Variants in TMEM132B observed in about 807,000 individuals in gnomAD.
The protein encoded by TMEM132B is transmembrane protein 132B.
TMEM132B carries 18 observed loss-of-function variants against 90.8 expected under a neutral mutation model. The ratio of observed to expected loss-of-function variants is 0.20; its 90% CI spans 0.14 to 0.29. The LOEUF (loss-of-function observed/expected upper bound fraction) is 0.29, where lower values mean the gene tolerates loss of function less well. Among genes scored for constraint, TMEM132B ranks in the 10% least tolerant of loss-of-function variants. TMEM132B has a pLI of 1.00. For synonymous variants in TMEM132B, 504 were observed against 523.3 expected (o/e 0.96, Z 0.50); for missense variants, 1,096 against 1,326.8 (o/e 0.83, Z 2.70).
rs935267471 is a variant in TMEM132B, at chr12:125,490,574, C to T, written c.1107-28865C>T. On this transcript the variant is annotated intron_variant, in intron 3 of 8. Coordinates refer to ENST00000682704, the MANE Select transcript of TMEM132B (RefSeq NM_001366854.1). The surrounding 1 kb of genome is among the most constrained non-coding windows in gnomAD (Gnocchi z 4.2). Reference sequence around the variant, plus strand: ...TGCCTCCCGGGTTCACACCATTCTCCTGCCTTAGCCTCCCGAGTAGCTCGA... The same window carrying T: ...TGCCTCCCGGGTTCACACCATTCTCTTGCCTTAGCCTCCCGAGTAGCTCGA... 5.3e-5 allele frequency among the ~76,000 whole-genome samples: 8 copies of T among 152,158 alleles called. No individual in the cohort carries two copies. Among genetic ancestry groups the T allele is most frequent in the African/African-American group, 1.9e-4 (8 of 41,440 alleles).
chr12:125,542,210 A>G (rs1188296142), intron 4 of TMEM132B, among the ~76,000 whole-genome samples: 1 of 152,166 alleles, frequency 6.6e-6, no homozygotes, highest in Non-Finnish European at 1.5e-5. Context: ...GAGAGAAAAC[A>G]GCTTGCGTCC....
chr12:125,256,361 G>A (rs577433220), intron 1 of TMEM132B, among the ~76,000 whole-genome samples: 39 of 152,364 alleles, frequency 2.6e-4, no homozygotes, highest in Admixed American at 2.5e-3. Context: ...GGGGTGGTCA[G>A]GGGAGCCGGT....
chr12:125,543,993 A>G (rs147142287), intron 4 of TMEM132B, among the ~76,000 whole-genome samples: 1 of 152,386 alleles, frequency 6.6e-6, no homozygotes, highest in African/African-American at 2.4e-5. Context: ...CTGTGTACAT[A>G]TAACACCATG....
rs559279786 is a variant in TMEM132B, at chr12:125,557,565, C to T, written c.1294-26286C>T. ...ATCCATATTAAGTAAAATGCCAATT[C>T]AACTGTGCTTTTGTTTAGTAGGATG... is the stretch of plus-strand genomic sequence containing the variant. On this transcript the variant is annotated intron_variant, in intron 4 of 8. Transcript: ENST00000682704. 5.9e-5 allele frequency among the ~76,000 whole-genome samples: 9 copies of T among 152,236 alleles called. 1 individual carries two copies. The South Asian group carries it at 1.9e-3, about 32-fold the overall frequency.
At chr12:125,577,502 A>G (rs903278695) in intron 4 of TMEM132B, among the ~76,000 whole-genome samples, 1 of 149,904 alleles carries the variant, frequency 6.7e-6, no homozygotes, top group South Asian at 2.1e-4. Flanking sequence ...ATGAAATATA[A>G]TATCTAATAA....
intron 1 of TMEM132B, among the ~76,000 whole-genome samples, chr12:125,259,873 C>T (rs1180332099): frequency 6.6e-5 from 10 of 151,184 alleles, no homozygotes; most frequent in Non-Finnish European, 8.8e-5. Flanking sequence ...CTGCCGCCCT[C>T]GTGGCTTTGG....
At chr12:125,304,466 G>T (rs1470717510) in intron 1 of TMEM132B, among the ~76,000 whole-genome samples, 3 of 151,968 alleles carry the variant, frequency 2.0e-5, no homozygotes, top group Admixed American at 1.3e-4. Context: ...ATTTTGCAAT[G>T]ACTTCATAAA....
chr12:125,327,864 C>G (rs1449930474), intron 1 of TMEM132B, among the ~76,000 whole-genome samples: 1 of 152,170 alleles, frequency 6.6e-6, no homozygotes, highest in Non-Finnish European at 1.5e-5. Flanking sequence ...CAGGCGGGCT[C>G]TACATAGCTA....
At chr12:125,560,831 CAAAAAAAAA>C (rs58083131) in intron 4 of TMEM132B, among the ~76,000 whole-genome samples, 27 of 29,254 alleles carry the variant, frequency 9.2e-4, no homozygotes, top group African/African-American at 2.0e-3. Flanking sequence ...GACTCTGTCT[CAAAAAAAAA>C]AAAAAAAAAA....
intron 3 of TMEM132B, among the ~76,000 whole-genome samples, chr12:125,493,060 C>T (rs1373523273): frequency 1.3e-5 from 2 of 152,106 alleles, no homozygotes; most frequent in Non-Finnish European, 2.9e-5. Flanking sequence ...GACCTGGAAA[C>T]CTTTGATAAT....
Position 125,208,748 on chromosome 12 carries a change from C to T in TMEM132B, c.67+21882C>T, listed in dbSNP as rs548464678. On this transcript the variant is annotated intron_variant, in intron 1 of 8. Transcript: ENST00000682704. ...GGTCTGTTTCTTGCTGAGATGGCCGCGTGGTAGAAAGGAAGGCCCCTTCCA... is the reference window on the plus strand; with the variant it reads ...GGTCTGTTTCTTGCTGAGATGGCCGTGTGGTAGAAAGGAAGGCCCCTTCCA... Among the ~76,000 whole-genome samples the T allele has an allele frequency of 1.2e-4, 19 of 152,256 alleles. No homozygotes were observed. In the East Asian group the frequency reaches 2.1e-3, roughly 17 times the overall value.
intron 2 of TMEM132B, among the ~76,000 whole-genome samples, chr12:125,411,702 A>G (rs956597004): frequency 5.9e-5 from 9 of 152,006 alleles, no homozygotes; most frequent in African/African-American, 2.2e-4. Context: ...AGAGCTTAGC[A>G]GCAATTAGCT....
At chr12:125,499,175 T>A (rs1050384155) in intron 3 of TMEM132B, among the ~76,000 whole-genome samples, 2 of 152,202 alleles carry the variant, frequency 1.3e-5, no homozygotes, top group African/African-American at 4.8e-5. Context: ...AGACATTTGA[T>A]CTTGTATCTC....
chr12:125,563,072 G>A (rs186691365), intron 4 of TMEM132B, among the ~76,000 whole-genome samples: 6 of 151,404 alleles, frequency 4.0e-5, no homozygotes, highest in Non-Finnish European at 4.4e-5. Context: ...ATCTCACATA[G>A]GCATCGTTTG....
At chr12:125,653,314 G>A (rs1472838631) in intron 8 of TMEM132B, among the ~76,000 whole-genome samples, 7 of 152,178 alleles carry the variant, frequency 4.6e-5, no homozygotes, top group African/African-American at 1.7e-4. Context: ...TCTATTGTAT[G>A]TATGCAATAA....
intron 1 of TMEM132B, among the ~76,000 whole-genome samples, chr12:125,339,889 C>T (rs1405944256): frequency 2.0e-5 from 3 of 152,156 alleles, no homozygotes; most frequent in East Asian, 1.9e-4. Context: ...AGGACTTGAA[C>T]GTATGAATTT....
At chr12:125,227,201 T>G (rs367751001) in intron 1 of TMEM132B, among the ~76,000 whole-genome samples, 13 of 152,194 alleles carry the variant, frequency 8.5e-5, no homozygotes, top group African/African-American at 3.1e-4. Context: ...AGCACTGTCC[T>G]GGCTTGAAAG....
intron 1 of TMEM132B, among the ~76,000 whole-genome samples, chr12:125,261,512 G>A (rs892586892): frequency 1.3e-5 from 2 of 152,154 alleles, no homozygotes; most frequent in Admixed American, 6.5e-5. Context: ...TTGGTGAGAG[G>A]TGAACTCATG....
At chr12:125,442,776 G>A (rs1413527210) in intron 3 of TMEM132B, among the ~76,000 whole-genome samples, 2 of 152,156 alleles carry the variant, frequency 1.3e-5, no homozygotes, top group Non-Finnish European at 2.9e-5. Flanking sequence ...AGTCTGTCCT[G>A]GAAGTGGAGT....
Sources: gnomAD v4.1 joint callset for allele counts (sites outside exome capture counted in the v4.1 genomes callset) on GRCh38, gnomAD v4.1.1 for gene constraint, Gnocchi (gnomAD v3.1) non-coding constraint, MANE v1.5 for transcripts, NCBI Gene and HGNC (gene_info 2026-07-23, HGNC 2026-07-21) for gene names.